The following PCDH9 variants were observed in gnomAD, a reference collection of about 807,000 sequenced individuals.
The protein encoded by PCDH9 is protocadherin 9, also known as protocadherin-9.
A neutral mutation model predicts 70.6 loss-of-function variants in PCDH9; 24 were observed. The observed-to-expected ratio is 0.34, with a 90% CI of 0.25 to 0.48. The LOEUF is 0.48. PCDH9 is among the 20% of genes least tolerant of loss of function. The probability of loss-of-function intolerance (pLI) is 0.99; values close to 1 mark genes in which losing one functional copy is unlikely to be tolerated. For missense variants in PCDH9, 1,281 were observed against 1,503.6 expected, an observed-to-expected ratio of 0.85 and a Z score of 2.45; for synonymous variants, 562 against 558.5, an observed-to-expected ratio of 1.01 and a Z score of -0.09.
intron 4 of PCDH9, among the ~76,000 whole-genome samples, chr13:66,315,098 G>A (rs371017488): frequency 3.9e-5 from 6 of 152,286 alleles, no homozygotes; most frequent in South Asian, 2.1e-4. Flanking sequence ...AATGATGTGA[G>A]AGCAGCCTCT....
chr13:67,042,401 C>T (rs925353672), intron 2 of PCDH9, among the ~76,000 whole-genome samples: 17 of 151,870 alleles, frequency 1.1e-4, no homozygotes, highest in Admixed American at 2.6e-4. Context: ...GGAGAAGTGC[C>T]GAGCAAAGGG....
At chr13:66,650,814 C>A (rs1007773555) in intron 3 of PCDH9, among the ~76,000 whole-genome samples, 1 of 148,066 alleles carries the variant, frequency 6.8e-6, no homozygotes, top group African/African-American at 2.6e-5. Flanking sequence ...TATAAAAAAA[C>A]ATTGAAATTA....
At chr13:66,685,114 G>C (rs979655432) in intron 3 of PCDH9, among the ~76,000 whole-genome samples, 3 of 152,168 alleles carry the variant, frequency 2.0e-5, no homozygotes, top group Non-Finnish European at 4.4e-5. Context: ...TTAGTCGCCA[G>C]GATAATGGGG....
chr13:66,863,306 G>A (rs2081514795), intron 3 of PCDH9, among the ~76,000 whole-genome samples: 1 of 152,122 alleles, frequency 6.6e-6, no homozygotes, highest in African/African-American at 2.4e-5. Context: ...CTCAGAATTT[G>A]ATTGTGAGGA....
chr13:66,778,952 G>T (rs1014503148), intron 3 of PCDH9, among the ~76,000 whole-genome samples: 1 of 152,120 alleles, frequency 6.6e-6, no homozygotes, highest in Non-Finnish European at 1.5e-5. Context: ...AGGTAAATCA[G>T]TTTCAGTTTC....
chr13:66,905,116 T>C (rs575691237), intron 2 of PCDH9, among the ~76,000 whole-genome samples: 2 of 152,186 alleles, frequency 1.3e-5, no homozygotes, highest in African/African-American at 4.8e-5. Context: ...ATTTGAATGT[T>C]CCTAAGTTTT....
intron 2 of PCDH9, among the ~76,000 whole-genome samples, chr13:67,195,069 C>CA (rs2089023241): frequency 6.6e-6 from 1 of 151,570 alleles, no homozygotes. Context: ...AAACCACTGA[C>CA]AAAACAATGC....
At chr13:66,920,386 C>A (rs2082619788) in intron 2 of PCDH9, among the ~76,000 whole-genome samples, 1 of 151,096 alleles carries the variant, frequency 6.6e-6, no homozygotes, top group Non-Finnish European at 1.5e-5. Context: ...TGAGCTGTAG[C>A]ATTAATCCCC....
intron 4 of PCDH9, among the ~76,000 whole-genome samples, chr13:66,513,687 T>G (rs1335860966): frequency 6.6e-6 from 1 of 151,940 alleles, no homozygotes; most frequent in Non-Finnish European, 1.5e-5. Context: ...ATAGAATGGC[T>G]GTCAGAATAC....
chr13:66,554,198 C>T (rs1593666354), intron 4 of PCDH9, among the ~76,000 whole-genome samples: 2 of 152,138 alleles, frequency 1.3e-5, no homozygotes, highest in Admixed American at 6.5e-5. Flanking sequence ...ATTTTTCTAA[C>T]CATCTAAAAA....
At chr13:66,669,750 G>A (rs911786329) in intron 3 of PCDH9, among the ~76,000 whole-genome samples, 27 of 152,096 alleles carry the variant, frequency 1.8e-4, no homozygotes, top group African/African-American at 6.3e-4. Context: ...TTAACCATCA[G>A]GCTTATTGTG....
intron 4 of PCDH9, among the ~76,000 whole-genome samples, chr13:66,613,365 G>A (rs1210955904): frequency 6.6e-6 from 1 of 152,008 alleles, no homozygotes; most frequent in East Asian, 1.9e-4. Context: ...TAAACCTTTT[G>A]TCTTGCCTCT....
At chr13:66,637,656 G>A (rs2077656322) in intron 3 of PCDH9, among the ~76,000 whole-genome samples, 1 of 152,148 alleles carries the variant, frequency 6.6e-6, no homozygotes, top group Non-Finnish European at 1.5e-5. Flanking sequence ...GCTGACGCCT[G>A]TATTCCGAGC....
intron 4 of PCDH9, among the ~76,000 whole-genome samples, chr13:66,356,196 A>G (rs899128244): frequency 6.6e-6 from 1 of 152,146 alleles, no homozygotes; most frequent in African/African-American, 2.4e-5. Flanking sequence ...TGAAAATACA[A>G]TATGTTTGAA....
At chr13:66,635,760 T>C (rs915700732) in intron 3 of PCDH9, among the ~76,000 whole-genome samples, 4 of 152,146 alleles carry the variant, frequency 2.6e-5, no homozygotes, top group Admixed American at 2.6e-4. Flanking sequence ...CACAAGTGAA[T>C]GACTCACATT....
intron 2 of PCDH9, among the ~76,000 whole-genome samples, chr13:66,922,394 C>T (rs1566294968): frequency 6.6e-6 from 1 of 151,278 alleles, no homozygotes; most frequent in Non-Finnish European, 1.5e-5. Context: ...CCCTTCCTAA[C>T]CTGGGAATAA....
At chr13:66,679,393 G>T (rs1391530645) in intron 3 of PCDH9, among the ~76,000 whole-genome samples, 1 of 151,792 alleles carries the variant, frequency 6.6e-6, no homozygotes, top group African/African-American at 2.4e-5. Context: ...GAGCTCAGTT[G>T]CATTTTGCAC....
chr13:66,434,637 T>G (rs565015613), intron 4 of PCDH9, among the ~76,000 whole-genome samples: 41 of 152,156 alleles, frequency 2.7e-4, no homozygotes, highest in African/African-American at 9.4e-4. Context: ...TCATCACATT[T>G]TTTTTAATCC....
intron 2 of PCDH9, among the ~76,000 whole-genome samples, chr13:67,185,509 A>G (rs1454038478): frequency 6.6e-6 from 1 of 152,208 alleles, no homozygotes; most frequent in Non-Finnish European, 1.5e-5. Context: ...GAAAATCTCT[A>G]TTTAATCCTA....
Sources: allele counts gnomAD v4.1 joint callset (sites outside exome capture counted in the v4.1 genomes callset), GRCh38; gene constraint gnomAD v4.1.1; transcripts MANE v1.5; gene names NCBI Gene and HGNC (gene_info 2026-07-23, HGNC 2026-07-21).